Variants in CUX1 observed in about 807,000 individuals in gnomAD.
CUX1 encodes the protein cut like homeobox 1.
CUX1 carries 31 observed loss-of-function variants against 158.8 expected under a neutral mutation model. The observed-to-expected ratio is 0.20, with a 90% CI of 0.15 to 0.26. The LOEUF (loss-of-function observed/expected upper bound fraction) is 0.26, where lower values mean the gene tolerates loss of function less well. CUX1 is among the 10% of genes least tolerant of loss of function. The pLI is 1.00. For missense variants in CUX1, 1,589 were observed against 2,014.6 expected (o/e 0.79, Z 4.04); for synonymous variants, 879 against 862.1 (o/e 1.02, Z -0.34).
intron 1 of CUX1, chr7:101,913,269 G>T (rs373544145): frequency 1.0e-4 from 79 of 762,642 alleles, no homozygotes; most frequent in Middle Eastern, 2.8e-4. Context: ...CTGTTTCTGT[G>T]GTGGCGGGTG....
chr7:101,857,367 T>TTC (rs1383099785), intron 1 of CUX1, among the ~76,000 whole-genome samples: 1 of 152,226 alleles, frequency 6.6e-6, no homozygotes, highest in Non-Finnish European at 1.5e-5. Flanking sequence ...GGCCACCAAG[T>TTC]ACTTTTCAAT....
chr7:102,248,828 C>T lies in CUX1; in HGVS notation c.4304C>T (p.Pro1435Leu), dbSNP rs1463521748. Residue 1435 changes from proline (P) to leucine (L), a missense_variant, in exon 24 of 24, where the codon CCG becomes CTG. Pro to Leu is a moderately conservative substitution (Grantham distance 98, BLOSUM62 -3). Transcript: ENST00000292535. This position sits in a 1 kb window ranked among gnomAD's most constrained non-coding sequence, Gnocchi z 5.8. Reference sequence around the variant, plus strand: ...GCGCCGGGGGAGGGCCCCGCGGCCCCGAGCTCCGCGCCGCCGCCCAGCAAC... The same window carrying T: ...GCGCCGGGGGAGGGCCCCGCGGCCCTGAGCTCCGCGCCGCCGCCCAGCAAC... ...AAAPGEGPAA[P>L]SSAPPPSNSS... is the part of the protein sequence containing the mutation. The T allele has an allele frequency of 3.4e-6, 4 of 1,179,450 alleles. No homozygotes were observed. Among genetic ancestry groups the T allele is most frequent in the Admixed American group, 4.7e-5 (1 of 21,066 alleles). The allele number at this position is 1,179,450 out of a possible 1,614,324, so 73.1% of individuals were successfully genotyped here.
chr7:102,239,227 A>C, intron 22 of CUX1, 93 bp from the exon 23 acceptor site: 3 of 1,417,102 alleles, frequency 2.1e-6, no homozygotes, highest in Non-Finnish European at 2.8e-6. Flanking sequence ...AAGTCCTGCA[A>C]GCCGGCACTG....
chr7:102,201,423 T>A lies in CUX1; in HGVS notation c.2126T>A (p.Ile709Asn). ...AACTCTGATGACGCCATCCGCTCCA[T>A]CCTGCAGCAAGCCCGCCGGGAGATG... is the stretch of plus-strand genomic sequence containing the variant. ...SGNSDDAIRS[I>N]LQQARREMEA... The change falls in exon 18 of 24, where the codon ATC becomes AAC. Residue 709 changes from isoleucine to asparagine, a missense_variant. Ile to Asn is a moderately radical substitution (Grantham distance 149). This residue lies in a region of CUX1 where 337 missense variants were observed against 409.3 expected (regional missense o/e 0.82). Transcript: ENST00000292535. The surrounding 1 kb of genome is among the most constrained non-coding windows in gnomAD (Gnocchi z 5.0). The A allele has an allele frequency of 1.2e-6, 2 of 1,613,998 alleles. No homozygotes were observed. The highest frequency in any genetic ancestry group is 1.7e-6 in the Non-Finnish European group (2 of 1,180,012).
intron 2 of CUX1, among the ~76,000 whole-genome samples, chr7:102,016,982 G>C (rs1352790847): frequency 1.3e-5 from 2 of 152,154 alleles, no homozygotes; most frequent in Non-Finnish European, 2.9e-5. Flanking sequence ...GTCTAGCACA[G>C]GAGTCCCCTT....
chr7:101,965,191 A>G (rs918837764), intron 2 of CUX1, among the ~76,000 whole-genome samples: 9 of 152,160 alleles, frequency 5.9e-5, no homozygotes, highest in Non-Finnish European at 1.0e-4. Context: ...CTCTTCCCTA[A>G]CACCGCTTTG....
chr7:102,271,441 T>C (rs1169551776), intron 14 of CUX1, among the ~76,000 whole-genome samples: 2 of 152,222 alleles, frequency 1.3e-5, no homozygotes, highest in Non-Finnish European at 2.9e-5. Flanking sequence ...CCACCTCCCA[T>C]CCTAAGCATG....
intron 20 of CUX1, among the ~76,000 whole-genome samples, chr7:102,207,452 AAT>A (rs1439500686): frequency 1.3e-5 from 2 of 152,084 alleles, no homozygotes; most frequent in Non-Finnish European, 2.9e-5. Flanking sequence ...TGCAGGAAAA[AAT>A]ATTTTTTTTT....
intron 2 of CUX1, among the ~76,000 whole-genome samples, chr7:101,974,060 G>A (rs896667953): frequency 4.7e-5 from 7 of 150,296 alleles, no homozygotes; most frequent in South Asian, 2.1e-4. Flanking sequence ...GAACCACTGC[G>A]CCCGGCCCAG....
intron 23 of CUX1, among the ~76,000 whole-genome samples, chr7:102,242,176 A>G (rs1394405525): frequency 6.7e-6 from 1 of 149,636 alleles, no homozygotes; most frequent in East Asian, 2.0e-4. Flanking sequence ...GCCAGGTGCC[A>G]TGCTATCCCA....
Position 102,227,675 on chromosome 7 carries a change from TTC to T in CUX1, c.3433+9_3433+10del. On this transcript the variant is annotated splice_region_variant and intron_variant, in intron 21 of 23. Coordinates refer to ENST00000292535, the MANE Select transcript of CUX1 (RefSeq NM_181552.4). Reference sequence around the variant, plus strand: ...GCTGACGGACAACAACCTCGGTAGGTTCTCCTCTCGGCTGCTGAGTCAGGAGG... The same window carrying T: ...GCTGACGGACAACAACCTCGGTAGGTTCCTCTCGGCTGCTGAGTCAGGAGG... 1 of 1,604,664 alleles carries T rather than the reference TTC, an allele frequency of 6.2e-7. No individual in the cohort carries two copies. The highest frequency in any genetic ancestry group is 8.5e-7 in the Non-Finnish European group (1 of 1,174,066).
chr7:102,030,033 CA>C (rs1820536448), intron 3 of CUX1, among the ~76,000 whole-genome samples: 1 of 147,438 alleles, frequency 6.8e-6, no homozygotes, highest in African/African-American at 2.5e-5. Context: ...TTTTTTGAGA[CA>C]GATTTTCACT....
intron 9 of CUX1, among the ~76,000 whole-genome samples, chr7:102,170,188 C>T (rs1386584894): frequency 6.6e-6 from 1 of 152,166 alleles, no homozygotes; most frequent in Non-Finnish European, 1.5e-5. Flanking sequence ...TTCAGTGGGC[C>T]GGAGTATTAG....
chr7:101,931,915 T>G (rs1042270031), intron 2 of CUX1, among the ~76,000 whole-genome samples: 4 of 152,194 alleles, frequency 2.6e-5, no homozygotes, highest in African/African-American at 7.2e-5. Context: ...ATTTGTAGAT[T>G]TGGAGAGGCT....
chr7:101,964,340 G>A (rs551020040), intron 2 of CUX1, among the ~76,000 whole-genome samples: 143 of 152,124 alleles, frequency 9.4e-4, no homozygotes, highest in Admixed American at 3.3e-3. Context: ...GCAACAGAGC[G>A]AGACTCCATC....
intron 2 of CUX1, among the ~76,000 whole-genome samples, chr7:102,025,645 G>A (rs1285469727): frequency 6.7e-6 from 1 of 149,642 alleles, no homozygotes; most frequent in Admixed American, 6.7e-5. Flanking sequence ...AAAAAAAAAA[G>A]ATTGGTAAAG....
intron 5 of CUX1, among the ~76,000 whole-genome samples, chr7:102,099,575 T>C (rs1263598638): frequency 6.6e-6 from 1 of 151,930 alleles, no homozygotes; most frequent in African/African-American, 2.4e-5. Flanking sequence ...TTATTTATTT[T>C]AGATTCAGGG....
intron 14 of CUX1, among the ~76,000 whole-genome samples, chr7:102,271,278 C>G (rs1443206404): frequency 1.3e-5 from 2 of 152,174 alleles, no homozygotes; most frequent in African/African-American, 4.8e-5. Context: ...GAGTCTGTCC[C>G]CATGGTCCCA....
chr7:102,200,507 A>G (rs559660933), intron 17 of CUX1, among the ~76,000 whole-genome samples: 4 of 151,912 alleles, frequency 2.6e-5, no homozygotes, highest in East Asian at 1.9e-4. Context: ...CATGCCCATG[A>G]TATTTGTGTT....
Sources: gnomAD v4.1 joint callset for allele counts (sites outside exome capture counted in the v4.1 genomes callset) on GRCh38, gnomAD v4.1.1 for gene constraint, gnomAD v4.1.1 regional missense constraint, Gnocchi (gnomAD v3.1) non-coding constraint, MANE v1.5 for transcripts, NCBI Gene and HGNC (gene_info 2026-07-23, HGNC 2026-07-21) for gene names.